The following ARSF variants were observed in gnomAD, a reference collection of about 807,000 sequenced individuals.
The protein encoded by ARSF is arylsulfatase F.
A neutral mutation model predicts 35.4 loss-of-function variants in ARSF; 33 were observed. The ratio of observed to expected loss-of-function variants is 0.93; its 90% CI spans 0.71 to 1.25. The LOEUF is 1.25. Among genes scored for constraint, ARSF ranks in the 50% most tolerant of loss-of-function variants. ARSF has a pLI of 0.00. For missense variants in ARSF, 501 were observed against 480.2 expected, an observed-to-expected ratio of 1.04 and a Z score of -0.40; for synonymous variants, 222 against 193.1, an observed-to-expected ratio of 1.15 and a Z score of -1.24.
chrX:3,086,288 T>C (rs2090247525), intron 6 of ARSF, among the ~76,000 whole-genome samples: 1 of 112,226 alleles, frequency 8.9e-6, no homozygotes, highest in African/African-American at 3.2e-5. Flanking sequence ...TTTACATGAG[T>C]ACTTGAAGAA....
chrX:3,075,853 CTCTG>C (rs1418648077), intron 3 of ARSF, among the ~76,000 whole-genome samples: 3 of 102,573 alleles, frequency 2.9e-5, no homozygotes, highest in Admixed American at 1.1e-4. Context: ...TTCCATCTCT[CTCTG>C]TCTCTCTCTT....
intron 1 of ARSF, among the ~76,000 whole-genome samples, chrX:3,046,487 G>A (rs1024828964): frequency 3.3e-4 from 37 of 111,832 alleles, no homozygotes; most frequent in African/African-American, 1.2e-3. Context: ...GATGCAGCTG[G>A]CTTGTCTTCA....
chrX:3,076,359 T>C (rs2090149630), intron 3 of ARSF, among the ~76,000 whole-genome samples, 189 bp from the exon 4 acceptor site: 1 of 109,619 alleles, frequency 9.1e-6, no homozygotes, highest in Middle Eastern at 4.7e-3. Flanking sequence ...TTTCATCCTT[T>C]CTTTCTGTCT....
At chrX:3,046,961 G>GAA (rs144220506) in intron 1 of ARSF, among the ~76,000 whole-genome samples, 1 of 103,954 alleles carries the variant, frequency 9.6e-6, no homozygotes, top group African/African-American at 3.5e-5. Context: ...TAGCTGATGA[G>GAA]AAAAAAAAAA....
chrX:3,098,933 CA>C (rs1465269138), intron 7 of ARSF, among the ~76,000 whole-genome samples: 3 of 109,727 alleles, frequency 2.7e-5, no homozygotes, highest in African/African-American at 1.0e-4. Flanking sequence ...TGAAAAGTAG[CA>C]AGAAGAGTAA....
At chrX:3,076,332 G>A (rs2090149152) in intron 3 of ARSF, among the ~76,000 whole-genome samples, 1 of 48,250 alleles carries the variant, frequency 2.1e-5, no homozygotes. Context: ...TCTCTTTCTC[G>A]TTTGTCTCTC....
chrX:3,041,299 C>CTTTTTTTT (rs35885735), upstream of ARSF, among the ~76,000 whole-genome samples: 1 of 87,427 alleles, frequency 1.1e-5, no homozygotes, highest in Admixed American at 1.4e-4. Context: ...TTTTCTTTTT[C>CTTTTTTTT]TTTTTTTTTT....
At chrX:3,109,361 TTA>T (rs1302286005) in intron 9 of ARSF, among the ~76,000 whole-genome samples, 1 of 111,719 alleles carries the variant, frequency 9.0e-6, no homozygotes, top group Non-Finnish European at 1.9e-5. Flanking sequence ...GGATGTATTA[TTA>T]TGTGTCCCAT....
chrX:3,058,819 C>T (rs2090029575), intron 1 of ARSF, among the ~76,000 whole-genome samples: 2 of 111,677 alleles, frequency 1.8e-5, no homozygotes, highest in South Asian at 7.6e-4. Flanking sequence ...TCTTATCACA[C>T]CAGTGCACTC....
chrX:3,108,546 A>C (rs2090424364), intron 9 of ARSF, among the ~76,000 whole-genome samples: 1 of 111,960 alleles, frequency 8.9e-6, no homozygotes, highest in African/African-American at 3.2e-5. Flanking sequence ...GTTATAGTAC[A>C]TGATACTTTA....
intron 3 of ARSF, 81 bp from the exon 4 acceptor site, chrX:3,076,467 C>T: frequency 9.4e-7 from 1 of 1,060,714 alleles, no homozygotes; most frequent in Non-Finnish European, 1.3e-6. Flanking sequence ...CCTTCTCTGT[C>T]TTCCTCTCGC....
chrX:3,102,513 T>G (rs2090384007), intron 8 of ARSF, among the ~76,000 whole-genome samples: 2 of 112,802 alleles, frequency 1.8e-5, no homozygotes, highest in South Asian at 7.3e-4. Context: ...CACGTTTTCT[T>G]TATCCACCTG....
At position 3,070,321 on chromosome X, in the gene ARSF, C is replaced by T. The variant is rs1357144904; in HGVS notation, c.12-1705C>T. Among the ~76,000 whole-genome samples, 4 of 111,432 alleles carry T rather than the reference C, an allele frequency of 3.6e-5. No individual in the cohort carries two copies. In the Admixed American group the frequency reaches 3.8e-4, roughly 11 times the overall value. ...ATGATGGACACTGAGGTTGATTTCACAGTTTGGCCATTGTGAATAGTACTG... is the reference window on the plus strand; with the variant it reads ...ATGATGGACACTGAGGTTGATTTCATAGTTTGGCCATTGTGAATAGTACTG... On this transcript the variant is annotated intron_variant, in intron 2 of 10. Coordinates refer to ENST00000381127, the MANE Select transcript of ARSF (RefSeq NM_001201539.2).
intron 1 of ARSF, among the ~76,000 whole-genome samples, chrX:3,061,979 C>T (rs1387191741): frequency 2.7e-5 from 3 of 111,012 alleles, no homozygotes; most frequent in African/African-American, 9.8e-5. Context: ...AACTCTCCAC[C>T]CCAAATCAAC....
At chrX:3,092,925 C>T (rs1364213703) in intron 7 of ARSF, among the ~76,000 whole-genome samples, 1 of 112,245 alleles carries the variant, frequency 8.9e-6, no homozygotes, top group Non-Finnish European at 1.9e-5. Flanking sequence ...GTAATCCCAG[C>T]ACTTTGGGAG....
rs760726231 is a variant in ARSF at position 3,092,083 on chromosome X, C to G, written c.967+2451C>G. Reference sequence around the variant, plus strand: ...GATACATATGACAGATGATAGATGACAGATAAGATAGGTGATTGATAGATA... The same window carrying G: ...GATACATATGACAGATGATAGATGAGAGATAAGATAGGTGATTGATAGATA... On this transcript the variant is annotated intron_variant, in intron 7 of 10. Transcript: ENST00000381127. Among the ~76,000 whole-genome samples, 8 of 109,655 alleles carry G rather than the reference C, an allele frequency of 7.3e-5. No homozygotes were observed. In the East Asian group the frequency reaches 1.5e-3, roughly 20 times the overall value.
At chrX:3,087,495 A>G (rs1210916200) in intron 6 of ARSF, among the ~76,000 whole-genome samples, 1 of 111,191 alleles carries the variant, frequency 9.0e-6, no homozygotes, top group Non-Finnish European at 1.9e-5. Context: ...GACAATAGTC[A>G]TTGGATTTAG....
intron 9 of ARSF, among the ~76,000 whole-genome samples, chrX:3,104,183 A>G (rs1203039781): frequency 9.0e-6 from 1 of 111,682 alleles, no homozygotes; most frequent in East Asian, 2.8e-4. Flanking sequence ...GTGGTAATAA[A>G]CATACTTATT....
At chrX:3,049,202 A>G (rs2089986958) in intron 1 of ARSF, among the ~76,000 whole-genome samples, 2 of 112,571 alleles carry the variant, frequency 1.8e-5, no homozygotes. Context: ...AATACATGTA[A>G]GACGTACATT....
Sources: allele counts gnomAD v4.1 joint callset (sites outside exome capture counted in the v4.1 genomes callset), GRCh38; gene constraint gnomAD v4.1.1; transcripts MANE v1.5; gene names NCBI Gene and HGNC (gene_info 2026-07-23, HGNC 2026-07-21).